The following ARHGAP24 variants were observed in gnomAD, a reference collection of about 807,000 sequenced individuals.
ARHGAP24 encodes the protein rho GTPase-activating protein 24.
In ARHGAP24, 50 loss-of-function variants were observed where a neutral mutation model predicts 76.4. The ratio of observed to expected loss-of-function variants is 0.65; its 90% CI spans 0.52 to 0.83. The LOEUF (loss-of-function observed/expected upper bound fraction) is 0.83, where lower values mean the gene tolerates loss of function less well. Ranked by LOEUF, ARHGAP24 falls within the 40% of genes least tolerant of loss-of-function variation. The pLI is 0.00. For missense variants in ARHGAP24, 930 were observed against 914.2 expected, an observed-to-expected ratio of 1.02 and a Z score of -0.22; for synonymous variants, 345 against 323.3, an observed-to-expected ratio of 1.07 and a Z score of -0.72.
chr4:85,735,605 AG>A (rs1725579060), intron 3 of ARHGAP24, among the ~76,000 whole-genome samples: 1 of 152,038 alleles, frequency 6.6e-6, no homozygotes, highest in South Asian at 2.1e-4. Flanking sequence ...CCTGTCTCTT[AG>A]TCACCATTAC....
At chr4:85,984,905 T>G (rs886309017) in intron 8 of ARHGAP24, among the ~76,000 whole-genome samples, 28 of 152,140 alleles carry the variant, frequency 1.8e-4, no homozygotes, top group African/African-American at 6.8e-4. Flanking sequence ...CACAGCAACC[T>G]CCACCTCCCA....
chr4:85,857,091 T>C (rs1474491034), intron 3 of ARHGAP24, among the ~76,000 whole-genome samples: 2 of 152,210 alleles, frequency 1.3e-5, no homozygotes, highest in African/African-American at 4.8e-5. Context: ...AATATACTCC[T>C]TCAAGAAATC....
At position 85,710,948 on chromosome 4, in the gene ARHGAP24, T is replaced by C. The variant is rs529083114; in HGVS notation, c.181-10937T>C. ...ATCATTCTGTCATAAAGACAATACATGTGTAAGTTCATCGAAGCACTACTC... is the reference window on the plus strand; with the variant it reads ...ATCATTCTGTCATAAAGACAATACACGTGTAAGTTCATCGAAGCACTACTC... On this transcript the variant is annotated intron_variant, in intron 2 of 9. Coordinates refer to ENST00000395184, the MANE Select transcript of ARHGAP24 (RefSeq NM_001025616.3). 2.6e-5 allele frequency among the ~76,000 whole-genome samples: 4 copies of C among 152,198 alleles called. No individual in the cohort carries two copies. The East Asian group carries it at 7.7e-4, about 29-fold the overall frequency.
chr4:85,611,607 G>A (rs1019907654), intron 2 of ARHGAP24, among the ~76,000 whole-genome samples: 2 of 152,160 alleles, frequency 1.3e-5, no homozygotes, highest in African/African-American at 2.4e-5. Flanking sequence ...TGCACTGTCC[G>A]ACAGTAGTCC....
At chr4:85,622,829 G>A (rs1419917391) in intron 2 of ARHGAP24, among the ~76,000 whole-genome samples, 6 of 152,186 alleles carry the variant, frequency 3.9e-5, no homozygotes, top group Non-Finnish European at 7.3e-5. Flanking sequence ...GTTTTGATTT[G>A]CATTTTTCTG....
rs751537877 is a variant in ARHGAP24, at chr4:86,000,460, C to CT, written c.2004-19_2004-18insT. ...ACTCTTGCGTCCCCACCCCCCACCC[C>CT]CCCCAACATCCTTTGTAGCTTAGAA... On this transcript the variant is annotated intron_variant, in intron 9 of 9. Transcript: ENST00000395184. 1 of 812,226 alleles carries CT rather than the reference C, an allele frequency of 1.2e-6. No individual in the cohort carries two copies. The highest frequency in any genetic ancestry group is 2.4e-5 in the Admixed American group (1 of 42,296). The allele number at this position is 812,226 out of a possible 1,614,324, so 50.3% of individuals were successfully genotyped here. A position where few individuals can be genotyped will look rare whatever the true frequency, so the allele number is the denominator to read the frequency against.
intron 3 of ARHGAP24, among the ~76,000 whole-genome samples, chr4:85,844,739 T>C (rs1353831551): frequency 1.3e-5 from 2 of 152,232 alleles, no homozygotes; most frequent in Non-Finnish European, 2.9e-5. Context: ...AAATTTGTAT[T>C]GGTATAATGA....
At chr4:85,888,112 T>C (rs1733667453) in intron 3 of ARHGAP24, among the ~76,000 whole-genome samples, 1 of 151,822 alleles carries the variant, frequency 6.6e-6, no homozygotes, top group South Asian at 2.1e-4. Flanking sequence ...TTTAAGAAAA[T>C]TCTATCTGTG....
At chr4:85,945,828 T>G (rs939243163) in intron 5 of ARHGAP24, among the ~76,000 whole-genome samples, 4 of 152,004 alleles carry the variant, frequency 2.6e-5, no homozygotes, top group Non-Finnish European at 4.4e-5. Context: ...CCTTAATATT[T>G]AAAATAAATG....
intron 1 of ARHGAP24, among the ~76,000 whole-genome samples, chr4:85,496,212 G>A (rs1327648789): frequency 6.6e-6 from 1 of 152,200 alleles, no homozygotes; most frequent in Non-Finnish European, 1.5e-5. Flanking sequence ...TACCACCGGT[G>A]TTTATTTACT....
At position 85,491,164 on chromosome 4, in the gene ARHGAP24, C is replaced by G. The variant is rs763882222; in HGVS notation, c.-21+15605C>G. Among the ~76,000 whole-genome samples, 41 of 152,158 alleles carry G rather than the reference C, an allele frequency of 2.7e-4. 1 individual carries two copies. Among genetic ancestry groups the G allele is most frequent in the Admixed American group, 7.9e-4 (12 of 15,284 alleles). Reference sequence around the variant, plus strand: ...GGTTATGACAAAATGGTGCATAATACCAAATGTCTTGTAATTCATCACATA... The same window carrying G: ...GGTTATGACAAAATGGTGCATAATAGCAAATGTCTTGTAATTCATCACATA... On this transcript the variant is annotated intron_variant, in intron 1 of 9. Coordinates refer to ENST00000395184, the MANE Select transcript of ARHGAP24 (RefSeq NM_001025616.3).
At chr4:85,731,089 G>A (rs184018206) in intron 3 of ARHGAP24, among the ~76,000 whole-genome samples, 3 of 151,568 alleles carry the variant, frequency 2.0e-5, no homozygotes, top group Admixed American at 6.6e-5. Context: ...GTGTATGTAT[G>A]CAAAACGGTG....
intron 2 of ARHGAP24, among the ~76,000 whole-genome samples, chr4:85,637,955 A>G (rs1281079464): frequency 6.6e-6 from 1 of 152,096 alleles, no homozygotes; most frequent in Non-Finnish European, 1.5e-5. Context: ...CAGAATCTAC[A>G]TTCTCTTTGC....
chr4:85,729,069 C>A (rs1725287314), intron 3 of ARHGAP24, among the ~76,000 whole-genome samples: 1 of 152,002 alleles, frequency 6.6e-6, no homozygotes, highest in South Asian at 2.1e-4. Context: ...TGTGTTAATT[C>A]TGTAAGTTAA....
At chr4:85,830,149 C>T (rs1289924574) in intron 3 of ARHGAP24, among the ~76,000 whole-genome samples, 1 of 152,232 alleles carries the variant, frequency 6.6e-6, no homozygotes, top group South Asian at 2.1e-4. Context: ...TTTCTTCCTT[C>T]TTTCAGCTTT....
chr4:85,480,862 G>C (rs780138312), intron 1 of ARHGAP24, among the ~76,000 whole-genome samples: 7 of 152,086 alleles, frequency 4.6e-5, no homozygotes, highest in African/African-American at 1.7e-4. Context: ...TCGCTGAGAA[G>C]GGTAAGAGAA....
rs1255255790 is a variant in ARHGAP24, at chr4:85,913,327, C to CATCT, written c.269-10320_269-10319insTCTA. ...CAAAAAACTTCCTCATTCCCTAATC[C>CATCT]AGTTACCTACATCTAGTTGCCTAAT... On this transcript the variant is annotated intron_variant, in intron 3 of 9. Transcript: ENST00000395184. 2.0e-5 allele frequency among the ~76,000 whole-genome samples: 3 copies of CATCT among 151,232 alleles called. No individual in the cohort carries two copies. In the Admixed American group the frequency reaches 2.0e-4, roughly 10 times the overall value.
intron 3 of ARHGAP24, among the ~76,000 whole-genome samples, chr4:85,754,291 T>C (rs1726389048): frequency 6.6e-6 from 1 of 152,238 alleles, no homozygotes; most frequent in Admixed American, 6.5e-5. Context: ...TAATATTCCA[T>C]TGTGTACAGA....
chr4:85,481,985 G>A (rs938098539), intron 1 of ARHGAP24, among the ~76,000 whole-genome samples: 2 of 152,192 alleles, frequency 1.3e-5, no homozygotes, highest in African/African-American at 4.8e-5. Context: ...ACTCCTGTTT[G>A]AGGAGATACC....
Sources: allele counts gnomAD v4.1 joint callset (sites outside exome capture counted in the v4.1 genomes callset), GRCh38; gene constraint gnomAD v4.1.1; transcripts MANE v1.5; gene names NCBI Gene and HGNC (gene_info 2026-07-23, HGNC 2026-07-21).